Variants in SLC44A5 observed in about 807,000 individuals in gnomAD.
SLC44A5 encodes the protein solute carrier family 44 member 5, also known as choline transporter-like protein 5.
A neutral mutation model predicts 101.8 loss-of-function variants in SLC44A5; 57 were observed. The observed-to-expected ratio is 0.56, with a 90% CI of 0.45 to 0.70. The LOEUF is 0.70. SLC44A5 is among the 30% of genes least tolerant of loss of function. The pLI, the probability that SLC44A5 is intolerant of heterozygous loss-of-function variation, is 0.00. For synonymous variants in SLC44A5, 281 were observed against 290.9 expected, an observed-to-expected ratio of 0.97 and a Z score of 0.35; for missense variants, 737 against 853.1, an observed-to-expected ratio of 0.86 and a Z score of 1.70.
the SLC44A5 span, among the ~76,000 whole-genome samples, chr1:75,677,449 G>T: frequency 6.6e-6 from 1 of 152,040 alleles, no homozygotes; most frequent in Non-Finnish European, 1.5e-5. Flanking sequence ...AAGCCTCATG[G>T]TAACCTCAAA....
chr1:75,511,806 C>A (rs1669584203), intron 2 of SLC44A5, among the ~76,000 whole-genome samples: 1 of 152,216 alleles, frequency 6.6e-6, no homozygotes, highest in Non-Finnish European at 1.5e-5. Context: ...GTTAGTGAAC[C>A]CCTTAAAAAG....
intron 3 of SLC44A5, among the ~76,000 whole-genome samples, chr1:75,386,110 T>C (rs957917041): frequency 1.2e-4 from 18 of 151,700 alleles, no homozygotes; most frequent in African/African-American, 4.1e-4. Context: ...TCATACTGAA[T>C]GGGCAAAAAC....
chr1:75,398,929 C>A (rs576560260), intron 2 of SLC44A5, among the ~76,000 whole-genome samples: 1 of 151,802 alleles, frequency 6.6e-6, no homozygotes, highest in Non-Finnish European at 1.5e-5. Context: ...TGGACATTCA[C>A]CCTGCCTGCT....
chr1:75,676,270 A>G, the SLC44A5 span, among the ~76,000 whole-genome samples: 135 of 152,326 alleles, frequency 8.9e-4, no homozygotes, highest in Non-Finnish European at 1.0e-3. Context: ...AGCACTATTC[A>G]CAATCACAAA....
At chr1:75,312,033 G>T (rs1001685998) in intron 4 of SLC44A5, among the ~76,000 whole-genome samples, 1 of 152,098 alleles carries the variant, frequency 6.6e-6, no homozygotes, top group Non-Finnish European at 1.5e-5. Flanking sequence ...GATGAGGGGG[G>T]CTGGTGGGAG....
At chr1:75,311,565 A>G (rs1655303704) in intron 4 of SLC44A5, 1 of 984,996 alleles carries the variant, frequency 1.0e-6, no homozygotes, top group Non-Finnish European at 1.2e-6. Flanking sequence ...CTTTTCTGCC[A>G]TTCTGAAATA....
At chr1:75,613,819 A>C (rs1411629074), upstream of SLC44A5, among the ~76,000 whole-genome samples, 3 of 152,350 alleles carry the variant, frequency 2.0e-5, no homozygotes, top group African/African-American at 7.2e-5. Flanking sequence ...CTGACCTACA[A>C]AACAAAAACT....
At chr1:75,717,132 A>T in the SLC44A5 span, among the ~76,000 whole-genome samples, 1 of 152,150 alleles carries the variant, frequency 6.6e-6, no homozygotes. Flanking sequence ...TTGCAGCAAC[A>T]CAGATGGCAC....
rs147463000 is a variant in SLC44A5 at position 75,283,811 on chromosome 1, T to C, written c.176-8769A>G. 1.3e-3 allele frequency among the ~76,000 whole-genome samples: 199 copies of C among 152,282 alleles called. 2 individuals carry two copies. The highest frequency in any genetic ancestry group is 4.6e-3 in the African/African-American group (193 of 41,562). On this transcript the variant is annotated intron_variant, in intron 5 of 23. Transcript: ENST00000370859. The stretch of plus-strand genomic sequence containing the variant: ...GTCGAAGATCAGTTGGCTGTAAGTA[T>C]TTGGCTTTATTTCTGGGTTTTCTAT...
intron 3 of SLC44A5, among the ~76,000 whole-genome samples, chr1:75,383,274 C>T (rs1402363002): frequency 7.7e-6 from 1 of 129,246 alleles, no homozygotes; most frequent in Non-Finnish European, 1.6e-5. Flanking sequence ...GAAACACCCA[C>T]AAATGATGAA....
intron 6 of SLC44A5, among the ~76,000 whole-genome samples, chr1:75,258,047 G>A (rs1042554363): frequency 7.2e-5 from 11 of 152,072 alleles, no homozygotes; most frequent in African/African-American, 2.2e-4. Context: ...TTCGCAACCC[G>A]CAGACCAGAA....
At chr1:75,287,691 G>T (rs1385330162) in intron 5 of SLC44A5, among the ~76,000 whole-genome samples, 4 of 152,062 alleles carry the variant, frequency 2.6e-5, no homozygotes, top group Non-Finnish European at 5.9e-5. Flanking sequence ...CATCCTGAGA[G>T]CCAAACTGCA....
chr1:75,656,730 T>C, the SLC44A5 span, among the ~76,000 whole-genome samples: 16 of 152,236 alleles, frequency 1.1e-4, no homozygotes, highest in South Asian at 3.3e-3. Flanking sequence ...ATCACTTATT[T>C]ACTAAGGAAT....
intron 2 of SLC44A5, among the ~76,000 whole-genome samples, chr1:75,427,541 CCATTA>C (rs1664382381): frequency 6.6e-6 from 1 of 152,130 alleles, no homozygotes; most frequent in Admixed American, 6.5e-5. Context: ...AGAAAATGTG[CCATTA>C]ATTAATCATG....
At chr1:75,214,859 G>A (rs1646930269) in intron 19 of SLC44A5, among the ~76,000 whole-genome samples, 181 bp from the exon 20 acceptor site, 1 of 152,106 alleles carries the variant, frequency 6.6e-6, no homozygotes, top group African/African-American at 2.4e-5. Flanking sequence ...ACAACTCTCA[G>A]TGTCATTGAC....
At chr1:75,484,682 C>A (rs1668061573) in intron 2 of SLC44A5, among the ~76,000 whole-genome samples, 1 of 152,230 alleles carries the variant, frequency 6.6e-6, no homozygotes, top group Non-Finnish European at 1.5e-5. Flanking sequence ...CTCTGCATTG[C>A]CCTAATGAAG....
At chr1:75,538,202 T>C (rs1671159612) in intron 2 of SLC44A5, 1 of 152,118 alleles carries the variant, frequency 6.6e-6, no homozygotes, top group Non-Finnish European at 1.5e-5. Flanking sequence ...TATCTTAGGG[T>C]AGGAGAAAAA....
intron 15 of SLC44A5, 135 bp from the exon 16 acceptor site, chr1:75,219,479 A>G (rs1647031794): frequency 1.5e-6 from 1 of 688,790 alleles, no homozygotes; most frequent in East Asian, 2.7e-5. Flanking sequence ...ATATTCATCT[A>G]TTTTTCAGGC....
intron 1 of SLC44A5, among the ~76,000 whole-genome samples, chr1:75,595,541 A>C (rs1424557984): frequency 6.6e-6 from 1 of 152,182 alleles, no homozygotes. Context: ...ATCCAGAAAT[A>C]GATTCATGAT....
Sources: allele counts gnomAD v4.1 joint callset (sites outside exome capture counted in the v4.1 genomes callset), GRCh38; gene constraint gnomAD v4.1.1; transcripts MANE v1.5; gene names NCBI Gene and HGNC (gene_info 2026-07-23, HGNC 2026-07-21).